CDR2: variants seen among roughly 807,000 people sequenced by gnomAD.
CDR2 encodes the protein cerebellar degeneration related protein 2.
In CDR2, 34 loss-of-function variants were observed where a neutral mutation model predicts 48.4. That is an observed-to-expected ratio of 0.70 (90% CI 0.53 to 0.94). The LOEUF (loss-of-function observed/expected upper bound fraction) is 0.94, where lower values mean the gene tolerates loss of function less well. Among genes scored for constraint, CDR2 ranks in the 40% least tolerant of loss-of-function variants. The pLI is 0.00. For missense variants in CDR2, 498 were observed against 549.5 expected, an observed-to-expected ratio of 0.91 and a Z score of 0.94; for synonymous variants, 240 against 219.7, an observed-to-expected ratio of 1.09 and a Z score of -0.82.
At position 22,347,565 on chromosome 16, in the gene CDR2, T is replaced by C. The variant is rs1234879615; in HGVS notation, c.765A>G (p.Ala255=). 1 of 1,614,056 alleles carries C rather than the reference T, an allele frequency of 6.2e-7. No homozygotes were observed. Among genetic ancestry groups the C allele is most frequent in the Non-Finnish European group, 8.5e-7 (1 of 1,180,050 alleles). ...CTGACTGCAACATCTGTCGCATCTC[T>C]GCCACCTCGGCCTCTAGTTCCAGCG... ...ARALELEAEV[A]EMRQMLQSEH... Residue 255 remains alanine (A), a synonymous_variant, in exon 5 of 5, where the codon GCA becomes GCG. Transcript: ENST00000268383.
chr16:22,364,138 T>C (rs1216593327), intron 2 of CDR2, among the ~76,000 whole-genome samples: 1 of 152,056 alleles, frequency 6.6e-6, no homozygotes, highest in Non-Finnish European at 1.5e-5. Context: ...AGATGGGGTT[T>C]TACCACGTTG....
In CDR2 at chr16:22,359,134, C is replaced by CT. The variant is rs937222691; in HGVS notation, c.192+5767dup. ...AAAGACTTTTTTCACTACTAAAATTCTTTTTTTTTTTGAGACGGAGTCTCG... is the reference window on the plus strand; with the variant it reads ...AAAGACTTTTTTCACTACTAAAATTCTTTTTTTTTTTTGAGACGGAGTCTCG... On this transcript the variant is annotated intron_variant, in intron 2 of 4. Coordinates refer to ENST00000268383, the MANE Select transcript of CDR2 (RefSeq NM_001802.2). Among the ~76,000 whole-genome samples, 860 of 146,820 alleles carry CT rather than the reference C, an allele frequency of 5.9e-3. 4 individuals carry two copies. The highest frequency in any genetic ancestry group is 0.015 in the African/African-American group (621 of 40,262).
intron 2 of CDR2, among the ~76,000 whole-genome samples, chr16:22,358,762 T>C (rs2048992910): frequency 6.6e-6 from 1 of 152,178 alleles, no homozygotes; most frequent in South Asian, 2.1e-4. Context: ...ATATTTCCCC[T>C]GTAGAAATTT....
chr16:22,363,888 G>GT (rs1389070436), intron 2 of CDR2, among the ~76,000 whole-genome samples: 1 of 152,138 alleles, frequency 6.6e-6, no homozygotes, highest in Non-Finnish European at 1.5e-5. Context: ...TAATGCCCTA[G>GT]TCTAGCATCT....
At chr16:22,360,521 T>G (rs562689587) in intron 2 of CDR2, among the ~76,000 whole-genome samples, 53 of 152,218 alleles carry the variant, frequency 3.5e-4, no homozygotes, top group African/African-American at 1.3e-3. Context: ...AAAATACCCT[T>G]TGGCAGTGTC....
intron 2 of CDR2, among the ~76,000 whole-genome samples, chr16:22,360,955 G>A (rs1324399920): frequency 6.6e-6 from 1 of 151,822 alleles, no homozygotes; most frequent in African/African-American, 2.4e-5. Flanking sequence ...TCGCCATGTT[G>A]GCCAGGCTGG....
intron 2 of CDR2, among the ~76,000 whole-genome samples, chr16:22,352,800 C>G (rs924488673): frequency 6.6e-6 from 1 of 152,172 alleles, no homozygotes; most frequent in African/African-American, 2.4e-5. Flanking sequence ...GCACATGGCA[C>G]GGTCTATAAA....
At position 22,349,848 on chromosome 16, in the gene CDR2, T is replaced by C; in HGVS notation, c.194A>G (p.Tyr65Cys). 1 of 1,614,076 alleles carries C rather than the reference T, an allele frequency of 6.2e-7. No individual in the cohort carries two copies. Among genetic ancestry groups the C allele is most frequent in the Non-Finnish European group, 8.5e-7 (1 of 1,179,936 alleles). Residue 65 changes from tyrosine to cysteine, a missense_variant and splice_region_variant, in exon 3 of 5, where the codon TAT (tyrosine) becomes TGT (cysteine). Transcript: ENST00000268383. The stretch of plus-strand genomic sequence containing the variant: ...TAGAAGTTCCACTTGCTTCGTCAGA[T>C]ACTGTAAGAGAAGATCAGGACCAGG... ...TNQEQLQEIE[Y>C]LTKQVELLRQ...
chr16:22,366,776 G>C (rs986371597), intron 1 of CDR2, among the ~76,000 whole-genome samples: 1 of 152,084 alleles, frequency 6.6e-6, no homozygotes, highest in African/African-American at 2.4e-5. Flanking sequence ...GGATCACTCC[G>C]GCTGCTGTTA....
chr16:22,351,200 T>C (rs1424966674), intron 2 of CDR2, among the ~76,000 whole-genome samples: 2 of 152,230 alleles, frequency 1.3e-5, no homozygotes, highest in Non-Finnish European at 2.9e-5. Context: ...ACTCATCCTT[T>C]TTTATGGCTG....
At chr16:22,353,475 G>T (rs747282978) in intron 2 of CDR2, among the ~76,000 whole-genome samples, 22 of 152,110 alleles carry the variant, frequency 1.4e-4, no homozygotes, top group South Asian at 1.2e-3. Flanking sequence ...ATATGTGTGT[G>T]GGAGAGACTG....
At chr16:22,358,125 A>G (rs915496700) in intron 2 of CDR2, among the ~76,000 whole-genome samples, 4 of 152,210 alleles carry the variant, frequency 2.6e-5, no homozygotes, top group African/African-American at 9.6e-5. Flanking sequence ...ATCTAGGTCT[A>G]TGGAGTCAGT....
chr16:22,362,812 C>G (rs2049018666), intron 2 of CDR2, among the ~76,000 whole-genome samples: 1 of 152,188 alleles, frequency 6.6e-6, no homozygotes, highest in Admixed American at 6.5e-5. Flanking sequence ...GGTCTCAAAC[C>G]CTAGCCTCAA....
chr16:22,348,786 G>A (rs185156105), intron 4 of CDR2, among the ~76,000 whole-genome samples: 8 of 152,262 alleles, frequency 5.3e-5, no homozygotes, highest in East Asian at 3.9e-4. Context: ...CTTATCTGCC[G>A]TTCCGTTAGA....
intron 1 of CDR2, among the ~76,000 whole-genome samples, chr16:22,373,553 T>C (rs1382167245): frequency 6.6e-6 from 1 of 152,220 alleles, no homozygotes; most frequent in East Asian, 1.9e-4. Flanking sequence ...GCTTTCCTCA[T>C]ATGGAAAATG....
chr16:22,370,791 C>G (rs1004475577), intron 1 of CDR2, among the ~76,000 whole-genome samples: 5 of 152,288 alleles, frequency 3.3e-5, no homozygotes, highest in African/African-American at 1.2e-4. Flanking sequence ...AAATTTCCAG[C>G]AATTTCAATT....
chr16:22,348,188 T>C (rs1363472089), intron 4 of CDR2, among the ~76,000 whole-genome samples: 2 of 152,078 alleles, frequency 1.3e-5, no homozygotes, highest in Admixed American at 6.6e-5. Flanking sequence ...CCTCCTGCCT[T>C]AGCCTCCCAA....
chr16:22,349,763 T>C lies in CDR2; in HGVS notation c.279A>G (p.Glu93=). 6.2e-7 allele frequency: 1 copy of C among 1,614,138 alleles called. No individual in the cohort carries two copies. Residue 93 remains glutamate (E), a synonymous_variant, in exon 3 of 5, where the codon GAA becomes GAG. Transcript: ENST00000268383. ...CTAGCTTTTGATTTGTTTCTTCCAG[T>C]TCCCTTGCTGTGACGTCTAATTGTT... The part of the protein sequence containing the change: ...VYEQLDVTAR[E]LEETNQKLVA...
At chr16:22,360,441 G>C (rs2049003322) in intron 2 of CDR2, among the ~76,000 whole-genome samples, 1 of 151,936 alleles carries the variant, frequency 6.6e-6, no homozygotes, top group South Asian at 2.1e-4. Flanking sequence ...CAAAAATACT[G>C]ATCAATTTTT....
Sources: gnomAD v4.1 joint callset for allele counts (sites outside exome capture counted in the v4.1 genomes callset) on GRCh38, gnomAD v4.1.1 for gene constraint, MANE v1.5 for transcripts, NCBI Gene and HGNC (gene_info 2026-07-23, HGNC 2026-07-21) for gene names.